ZNF609: variants seen among roughly 807,000 people sequenced by gnomAD.
ZNF609 encodes the protein zinc finger protein 609.
A neutral mutation model predicts 109.5 loss-of-function variants in ZNF609; 11 were observed. That is an observed-to-expected ratio of 0.10 (90% CI 0.06 to 0.17). The LOEUF (loss-of-function observed/expected upper bound fraction) is 0.17. Ranked by LOEUF, ZNF609 falls within the 10% of genes least tolerant of loss-of-function variation. The probability of loss-of-function intolerance (pLI) is 1.00; values close to 1 mark genes in which losing one functional copy is unlikely to be tolerated. For synonymous variants in ZNF609, 646 were observed against 662.0 expected, an observed-to-expected ratio of 0.98 and a Z score of 0.37; for missense variants, 1,559 against 1,772.4, an observed-to-expected ratio of 0.88 and a Z score of 2.16.
intron 2 of ZNF609, among the ~76,000 whole-genome samples, chr15:64,582,430 G>A (rs556077803): frequency 1.1e-4 from 16 of 152,260 alleles, no homozygotes; most frequent in African/African-American, 3.1e-4. Context: ...TCTCTGCTCC[G>A]TCAATCCTTT....
chr15:64,503,498 C>T (rs1893591084), intron 2 of ZNF609, among the ~76,000 whole-genome samples: 4 of 152,046 alleles, frequency 2.6e-5, no homozygotes, highest in Admixed American at 2.0e-4. Flanking sequence ...GTGCTTATGT[C>T]GCCACTCTGA....
rs781185194 is a variant in ZNF609, at chr15:64,467,799, C to A, written c.-128+6961C>A. Among the ~76,000 whole-genome samples the A allele has an allele frequency of 2.0e-5, 3 of 152,234 alleles. No homozygotes were observed. The South Asian group carries it at 6.2e-4, about 32-fold the overall frequency. ...GATGGAGGTTGCAGTGAGTGGAGAT[C>A]GTGCCACTGCATTCCAGTCTGGCAA... On this transcript the variant is annotated intron_variant, in intron 1 of 9. Coordinates refer to ENST00000326648, the MANE Select transcript of ZNF609 (RefSeq NM_015042.2).
intron 3 of ZNF609, 46 bp downstream of exon 3, chr15:64,623,098 G>A: frequency 6.3e-7 from 1 of 1,575,438 alleles, no homozygotes; most frequent in South Asian, 1.1e-5. Flanking sequence ...ACCTGCTTCT[G>A]CAGGGGAGCC....
chr15:64,664,837 AAAGG>A (rs1183123183), intron 3 of ZNF609, among the ~76,000 whole-genome samples: 1 of 152,312 alleles, frequency 6.6e-6, no homozygotes, highest in African/African-American at 2.4e-5. Context: ...AGATTATACC[AAAGG>A]AAGAAGCCTG....
intron 2 of ZNF609, among the ~76,000 whole-genome samples, chr15:64,580,635 G>A (rs1895085074): frequency 1.3e-5 from 2 of 150,784 alleles, no homozygotes; most frequent in South Asian, 2.1e-4. Context: ...TCTGCCTCCT[G>A]GGTTGAAGTG....
At chr15:64,590,730 A>G (rs1347710663) in intron 2 of ZNF609, among the ~76,000 whole-genome samples, 1 of 151,992 alleles carries the variant, frequency 6.6e-6, no homozygotes, top group Non-Finnish European at 1.5e-5. Context: ...CATGTAACCC[A>G]GGAAAGGAAT....
chr15:64,526,877 T>G (rs376208639), intron 2 of ZNF609, among the ~76,000 whole-genome samples: 25 of 152,270 alleles, frequency 1.6e-4, no homozygotes, highest in African/African-American at 6.0e-4. Context: ...CTCAAACTCT[T>G]GGGCTCAAAT....
At chr15:64,485,579 G>A (rs1045904149) in intron 1 of ZNF609, among the ~76,000 whole-genome samples, 1 of 152,094 alleles carries the variant, frequency 6.6e-6, no homozygotes, top group Non-Finnish European at 1.5e-5. Flanking sequence ...GAGGTGGGAG[G>A]ATCACTTAAG....
chr15:64,636,452 C>G (rs680910), intron 3 of ZNF609, among the ~76,000 whole-genome samples: 114,994 of 152,158 alleles, frequency 0.76, 47,461 homozygotes, highest in East Asian at 0.96. Context: ...TTTTCTACCC[C>G]CATTGAACTC....
At chr15:64,584,709 A>G (rs939799393) in intron 2 of ZNF609, among the ~76,000 whole-genome samples, 1 of 151,656 alleles carries the variant, frequency 6.6e-6, no homozygotes, top group African/African-American at 2.4e-5. Context: ...GCTCACTGCA[A>G]CCTCTGCCTC....
At chr15:64,609,073 T>A (rs1213451770) in intron 2 of ZNF609, among the ~76,000 whole-genome samples, 1 of 32,296 alleles carries the variant, frequency 3.1e-5, no homozygotes, top group Non-Finnish European at 8.2e-5. Context: ...TTTTTCTTTC[T>A]TTCTTTCTTT....
chr15:64,502,500 G>A (rs964934631), intron 2 of ZNF609: 13 of 152,104 alleles, frequency 8.5e-5, no homozygotes, highest in Non-Finnish European at 8.8e-5. Flanking sequence ...TTGATGATTA[G>A]TACTATAATT....
intron 3 of ZNF609, among the ~76,000 whole-genome samples, chr15:64,628,595 G>A (rs1896012576): frequency 6.6e-6 from 1 of 152,084 alleles, no homozygotes; most frequent in Non-Finnish European, 1.5e-5. Context: ...GCCAGGATGT[G>A]AGAGAATATG....
At chr15:64,529,132 G>T in intron 2 of ZNF609, 1 of 754,542 alleles carries the variant, frequency 1.3e-6, no homozygotes, top group East Asian at 2.5e-5. Context: ...GGCAGTGATG[G>T]TGTGAACTGT....
At chr15:64,527,929 A>G (rs1385427736) in intron 2 of ZNF609, among the ~76,000 whole-genome samples, 2 of 152,102 alleles carry the variant, frequency 1.3e-5, no homozygotes, top group African/African-American at 4.8e-5. Context: ...CCCACTTGTC[A>G]TTCAGGATCC....
chr15:64,487,638 T>C (rs1227188647), intron 1 of ZNF609, among the ~76,000 whole-genome samples: 1 of 152,040 alleles, frequency 6.6e-6, no homozygotes, highest in Non-Finnish European at 1.5e-5. Context: ...TTTTTTGTTT[T>C]AATTTTTTTT....
intron 6 of ZNF609, among the ~76,000 whole-genome samples, chr15:64,679,456 G>T (rs1484573337): frequency 6.6e-6 from 1 of 152,212 alleles, no homozygotes; most frequent in Admixed American, 6.5e-5. Flanking sequence ...GGGTGCTTCT[G>T]GGGTGGAAGG....
At chr15:64,597,548 C>T (rs1018962804) in intron 2 of ZNF609, among the ~76,000 whole-genome samples, 3 of 152,162 alleles carry the variant, frequency 2.0e-5, no homozygotes, top group Admixed American at 6.5e-5. Flanking sequence ...TAAGCAGCAG[C>T]GGCAGTTTTC....
intron 2 of ZNF609, among the ~76,000 whole-genome samples, chr15:64,617,224 A>G (rs185865609): frequency 6.6e-5 from 10 of 151,138 alleles, no homozygotes; most frequent in African/African-American, 2.4e-4. Context: ...ATTTCACTGT[A>G]TTGCCCAGGC....
Sources: gnomAD v4.1 joint callset for allele counts (sites outside exome capture counted in the v4.1 genomes callset) on GRCh38, gnomAD v4.1.1 for gene constraint, MANE v1.5 for transcripts, NCBI Gene and HGNC (gene_info 2026-07-23, HGNC 2026-07-21) for gene names.